Variants in PHTF2 observed in about 807,000 individuals in gnomAD.
The protein encoded by PHTF2 is putative homeodomain transcription factor 2.
A neutral mutation model predicts 101.2 loss-of-function variants in PHTF2; 60 were observed. The ratio of observed to expected loss-of-function variants is 0.59; its 90% CI spans 0.48 to 0.73. The LOEUF (loss-of-function observed/expected upper bound fraction) is 0.73, where lower values mean the gene tolerates loss of function less well. PHTF2 is among the 30% of genes least tolerant of loss of function. The pLI is 0.00. For synonymous variants in PHTF2, 311 were observed against 307.3 expected (o/e 1.01, Z -0.13); for missense variants, 747 against 908.7 (o/e 0.82, Z 2.29).
chr7:77,817,239 GT>G (rs1181176959), intron 1 of PHTF2, among the ~76,000 whole-genome samples: 2 of 151,842 alleles, frequency 1.3e-5, no homozygotes, highest in South Asian at 2.1e-4. Flanking sequence ...TTATTTTCTT[GT>G]TTTTTTGACA....
At chr7:77,900,712 G>A in exon 6 of PHTF2, 1 of 1,492,706 alleles carries the variant, frequency 6.7e-7, no homozygotes, top group Non-Finnish European at 9.3e-7. Context: ...ATATTATAGG[G>A]GCTAAGGAAT....
intron 3 of PHTF2, among the ~76,000 whole-genome samples, chr7:77,871,711 C>A (rs1443086905): frequency 6.6e-6 from 1 of 152,136 alleles, no homozygotes; most frequent in Admixed American, 6.5e-5. Context: ...ATTGTGACTT[C>A]GAAAGGGTAT....
chr7:77,890,032 A>G (rs1448081532), intron 3 of PHTF2, among the ~76,000 whole-genome samples: 3 of 106,522 alleles, frequency 2.8e-5, no homozygotes, highest in African/African-American at 1.2e-4. Context: ...GCCCCCCCCC[A>G]CCACCATGAG....
At chr7:77,901,457 CAACA>C (rs3084625) in intron 6 of PHTF2, among the ~76,000 whole-genome samples, 24,745 of 150,658 alleles carry the variant, frequency 0.16, 2,308 homozygotes, top group African/African-American at 0.25. Flanking sequence ...GATCCTATCT[CAACA>C]AACAAACAAA....
chr7:77,925,440 A>G (rs1803872001), intron 11 of PHTF2, among the ~76,000 whole-genome samples: 2 of 144,154 alleles, frequency 1.4e-5, no homozygotes, highest in African/African-American at 5.1e-5. Flanking sequence ...TCACACAAAT[A>G]TTGTAGGTAA....
chr7:77,916,668 A>G (rs765220916), intron 9 of PHTF2, among the ~76,000 whole-genome samples: 39 of 151,754 alleles, frequency 2.6e-4, no homozygotes, highest in Non-Finnish European at 5.0e-4. Flanking sequence ...CAGGATACCA[A>G]CCTCTGAGGA....
intron 11 of PHTF2, among the ~76,000 whole-genome samples, chr7:77,924,743 T>C (rs1309821351): frequency 6.6e-6 from 1 of 152,152 alleles, no homozygotes; most frequent in Non-Finnish European, 1.5e-5. Flanking sequence ...GGCATCTATT[T>C]TTTAGGGAAG....
intron 5 of PHTF2, among the ~76,000 whole-genome samples, chr7:77,900,313 C>G (rs1332739199): frequency 2.0e-5 from 3 of 152,160 alleles, no homozygotes; most frequent in Non-Finnish European, 4.4e-5. Context: ...TGAAATAATG[C>G]CTCCAGCACC....
chr7:77,876,536 A>G (rs1011465500), intron 3 of PHTF2, among the ~76,000 whole-genome samples: 1 of 152,182 alleles, frequency 6.6e-6, no homozygotes, highest in Non-Finnish European at 1.5e-5. Context: ...CAACACTTTT[A>G]TTAGTGGTAA....
chr7:77,903,181 T>C (rs1458745979), intron 7 of PHTF2, among the ~76,000 whole-genome samples: 1 of 152,196 alleles, frequency 6.6e-6, no homozygotes, highest in Non-Finnish European at 1.5e-5. Flanking sequence ...ATTGGGCAGT[T>C]AAGCTGATTG....
At chr7:77,940,591 G>A (rs750716728) in exon 15 of PHTF2, 7 of 1,607,072 alleles carry the variant, frequency 4.4e-6, no homozygotes, top group Non-Finnish European at 5.1e-6. Context: ...AAAATCTGAG[G>A]TTCCTCATTT....
At chr7:77,948,281 A>G (rs1425309860) in intron 16 of PHTF2, among the ~76,000 whole-genome samples, 1 of 152,190 alleles carries the variant, frequency 6.6e-6, no homozygotes, top group Non-Finnish European at 1.5e-5. Flanking sequence ...GTAAATAGCC[A>G]TATATATGTA....
At chr7:77,861,701 T>A (rs11979571) in intron 3 of PHTF2, among the ~76,000 whole-genome samples, 17,488 of 152,142 alleles carry the variant, frequency 0.11, 1,522 homozygotes, top group African/African-American at 0.24. Flanking sequence ...GGTGGGCAGA[T>A]CACTTGAGGC....
chr7:77,909,169 C>CT (rs200836381), intron 8 of PHTF2: 12,366 of 316,338 alleles, frequency 0.039, 20 homozygotes, highest in Middle Eastern at 0.045. Context: ...GTTTTTGTTT[C>CT]TTTTTTTTTT....
At chr7:77,938,575 A>G (rs1562967945) in intron 13 of PHTF2, among the ~76,000 whole-genome samples, 1 of 148,418 alleles carries the variant, frequency 6.7e-6, no homozygotes, top group Non-Finnish European at 1.5e-5. Flanking sequence ...CTAAAAATAC[A>G]AAAAAATTAG....
chr7:77,951,837 A>G, intron 18 of PHTF2, 125 bp downstream of exon 17: 1 of 567,590 alleles, frequency 1.8e-6, no homozygotes, highest in Non-Finnish European at 3.1e-6. Context: ...TCCAAATTAT[A>G]CTTGTGCACA....
chr7:77,952,192 ACT>A (rs1036989321), intron 18 of PHTF2, among the ~76,000 whole-genome samples: 6 of 152,034 alleles, frequency 3.9e-5, no homozygotes, highest in African/African-American at 1.2e-4. Context: ...TCTCATAGTA[ACT>A]CTTTGGGGGT....
At chr7:77,942,603 T>C in intron 15 of PHTF2, 97 bp from the exon 15 acceptor site, 2 of 592,778 alleles carry the variant, frequency 3.4e-6, no homozygotes, top group Non-Finnish European at 5.8e-6. Context: ...CTGATGGTGA[T>C]GAGTCAACAC....
At chr7:77,834,688 A>G (rs973440903) in intron 1 of PHTF2, among the ~76,000 whole-genome samples, 1 of 152,242 alleles carries the variant, frequency 6.6e-6, no homozygotes, top group African/African-American at 2.4e-5. Context: ...CAGAGAACTC[A>G]GTAACTTATT....
Sources: gnomAD v4.1 joint callset for allele counts (sites outside exome capture counted in the v4.1 genomes callset) on GRCh38, gnomAD v4.1.1 for gene constraint, MANE v1.5 for transcripts, NCBI Gene and HGNC (gene_info 2026-07-23, HGNC 2026-07-21) for gene names.